Variants in AHI1 observed in about 807,000 individuals in gnomAD.
The protein encoded by AHI1 is Abelson helper integration site 1.
Under a neutral mutation model 149.3 loss-of-function variants are expected in AHI1, and 123 were observed. That is an observed-to-expected ratio of 0.82 (90% CI 0.71 to 0.96). AHI1 has a LOEUF of 0.96. Among genes scored for constraint, AHI1 ranks in the 40% least tolerant of loss-of-function variants. The pLI is 0.00. For synonymous variants in AHI1, 475 were observed against 459.8 expected, an observed-to-expected ratio of 1.03 and a Z score of -0.42; for missense variants, 1,439 against 1,422.7, an observed-to-expected ratio of 1.01 and a Z score of -0.18.
chr6:135,327,715 A>G (rs905457860), intron 24 of AHI1, among the ~76,000 whole-genome samples: 2 of 152,050 alleles, frequency 1.3e-5, no homozygotes, highest in African/African-American at 4.8e-5. Context: ...TGTAGGTCTT[A>G]TGAGCAATCA....
intron 5 of AHI1, 148 bp downstream of exon 5, chr6:135,490,475 A>G (rs1795098696): frequency 6.5e-6 from 6 of 919,442 alleles, no homozygotes; most frequent in Non-Finnish European, 1.0e-5. Flanking sequence ...TCTAATATAA[A>G]CTTTATTTTT....
chr6:135,314,209 GGAGGTAATTAGGTCTTGAGGGCA>G lies in AHI1; in HGVS notation c.3426+4287_3426+4309del, dbSNP rs550939521. ...CAAGATGGTTGTTAGGAGGTATTTGGGAGGTAATTAGGTCTTGAGGGCAGAGCCCTCATAAATGGTATTGGTGC... is the reference window on the plus strand; with the variant it reads ...CAAGATGGTTGTTAGGAGGTATTTGGGAGCCCTCATAAATGGTATTGGTGC... On this transcript the variant is annotated intron_variant, in intron 26 of 28. Transcript: ENST00000265602. 4.0e-3 allele frequency among the ~76,000 whole-genome samples: 609 copies of G among 152,294 alleles called. 1 individual carries two copies. The highest frequency in any genetic ancestry group is 6.8e-3 in the Middle Eastern group (2 of 294).
At chr6:135,429,609 A>T (rs1453054710) in intron 18 of AHI1, among the ~76,000 whole-genome samples, 2 of 151,640 alleles carry the variant, frequency 1.3e-5, no homozygotes, top group African/African-American at 4.8e-5. Flanking sequence ...AACTAACTAC[A>T]TTTCAGCCTC....
chr6:135,363,681 A>AC (rs1245374713), intron 23 of AHI1, among the ~76,000 whole-genome samples: 2,064 of 130,650 alleles, frequency 0.016, 17 homozygotes, highest in African/African-American at 0.03. Context: ...CGGGGGGCTG[A>AC]CCCCCCCACC....
intron 25 of AHI1, among the ~76,000 whole-genome samples, chr6:135,320,712 A>G (rs540779231): frequency 1.3e-5 from 2 of 152,364 alleles, no homozygotes; most frequent in Admixed American, 1.3e-4. Flanking sequence ...CCCTGCCTAG[A>G]GATACACAAG....
chr6:135,290,429 T>C lies in AHI1; in HGVS notation c.3582A>G (p.Leu1194=), dbSNP rs1337536400. 27 of 1,562,088 alleles carry C rather than the reference T, an allele frequency of 1.7e-5. No homozygotes were observed. The highest frequency in any genetic ancestry group is 2.3e-5 in the Non-Finnish European group (26 of 1,132,388). The change falls in exon 28 of 29, where the codon CTA becomes CTG. Residue 1194 remains leucine, a synonymous_variant. Transcript: ENST00000265602. ...KNKQAGRKVT[L]IE ...CTATTGGTTTTCCCCTTACCTCTAT[T>C]AGAGTGACTTTTCTGCCTGCTTGCT...
At chr6:135,383,428 G>C (rs996896739) in intron 23 of AHI1, among the ~76,000 whole-genome samples, 6 of 147,036 alleles carry the variant, frequency 4.1e-5, no homozygotes, top group African/African-American at 1.3e-4. Context: ...AAAGAGACAG[G>C]GTCCCACTGT....
chr6:135,352,052 C>T (rs1396289444), intron 24 of AHI1, among the ~76,000 whole-genome samples: 1 of 152,220 alleles, frequency 6.6e-6, no homozygotes, highest in Non-Finnish European at 1.5e-5. Flanking sequence ...TCTATTTCCA[C>T]ACTGATCCCG....
intron 21 of AHI1, among the ~76,000 whole-genome samples, chr6:135,406,249 G>A (rs1385497196): frequency 6.6e-6 from 1 of 152,160 alleles, no homozygotes; most frequent in African/African-American, 2.4e-5. Flanking sequence ...TGCATCCACA[G>A]TTGCTCAAAA....
intron 23 of AHI1, among the ~76,000 whole-genome samples, chr6:135,377,198 T>C (rs556492667): frequency 1.3e-5 from 2 of 152,196 alleles, no homozygotes; most frequent in East Asian, 3.9e-4. Context: ...AGCAAATGTA[T>C]GATGAAGTTT....
chr6:135,380,012 C>T (rs1776491940), intron 23 of AHI1, among the ~76,000 whole-genome samples: 1 of 118,890 alleles, frequency 8.4e-6, no homozygotes, highest in South Asian at 3.3e-4. Flanking sequence ...CCTCTTCCTC[C>T]CTCCTTCCTT....
At chr6:135,364,541 G>T (rs373087474) in intron 23 of AHI1, among the ~76,000 whole-genome samples, 36 of 144,108 alleles carry the variant, frequency 2.5e-4, no homozygotes, top group East Asian at 6.0e-4. Flanking sequence ...CAAGGCAGGC[G>T]GCTGGGAGGT....
chr6:135,340,776 G>C (rs1325357370), intron 24 of AHI1, among the ~76,000 whole-genome samples: 2 of 148,416 alleles, frequency 1.3e-5, no homozygotes, highest in Admixed American at 1.3e-4. Context: ...AAGTTGGTGG[G>C]CTTAAAATGT....
intron 23 of AHI1, among the ~76,000 whole-genome samples, chr6:135,363,681 A>ACC (rs1245374713): frequency 9.9e-5 from 13 of 130,708 alleles, no homozygotes; most frequent in African/African-American, 3.9e-4. Context: ...CGGGGGGCTG[A>ACC]CCCCCCCACC....
chr6:135,315,424 C>T (rs142525912), intron 26 of AHI1, among the ~76,000 whole-genome samples: 150 of 152,268 alleles, frequency 9.9e-4, no homozygotes, highest in African/African-American at 3.4e-3. Context: ...GGAGAACGTG[C>T]TTTCTAACTC....
intron 27 of AHI1, among the ~76,000 whole-genome samples, chr6:135,291,801 A>G (rs1279499429): frequency 6.6e-6 from 1 of 152,210 alleles, no homozygotes; most frequent in Admixed American, 6.5e-5. Context: ...GAAAAAAAGC[A>G]CTGATAGCAC....
At chr6:135,436,716 C>T (rs1450824165) in intron 15 of AHI1, among the ~76,000 whole-genome samples, 1 of 152,148 alleles carries the variant, frequency 6.6e-6, no homozygotes, top group Non-Finnish European at 1.5e-5. Context: ...ATTCTCTTGC[C>T]TCAGCCTCTG....
intron 23 of AHI1, chr6:135,394,520 AACTC>A: frequency 2.3e-6 from 1 of 431,716 alleles, no homozygotes; most frequent in Non-Finnish European, 4.3e-6. Flanking sequence ...GCAGGTTTAA[AACTC>A]ACGTGTTTTG....
chr6:135,340,658 C>CATATAT (rs71006759), intron 24 of AHI1, among the ~76,000 whole-genome samples: 410 of 37,890 alleles, frequency 0.011, 2 homozygotes, highest in African/African-American at 0.041. Flanking sequence ...TACATACATA[C>CATATAT]ATATATATAT....
Sources: gnomAD v4.1 joint callset for allele counts (sites outside exome capture counted in the v4.1 genomes callset) on GRCh38, gnomAD v4.1.1 for gene constraint, MANE v1.5 for transcripts, NCBI Gene and HGNC (gene_info 2026-07-23, HGNC 2026-07-21) for gene names.